KIAA1549: variants seen among roughly 807,000 people sequenced by gnomAD.
KIAA1549 encodes the protein KIAA1549.
A neutral mutation model predicts 156.4 loss-of-function variants in KIAA1549; 70 were observed. That is an observed-to-expected ratio of 0.45 (90% CI 0.37 to 0.55). The LOEUF (loss-of-function observed/expected upper bound fraction) is 0.55, where lower values mean the gene tolerates loss of function less well. Among genes scored for constraint, KIAA1549 ranks in the 20% least tolerant of loss-of-function variants. The pLI is 0.00. For missense variants in KIAA1549, 2,428 were observed against 2,540.9 expected (o/e 0.96, Z 0.96); for synonymous variants, 1,103 against 1,066.4 (o/e 1.03, Z -0.67).
intron 1 of KIAA1549, among the ~76,000 whole-genome samples, chr7:138,977,382 T>C: frequency 1.3e-5 from 2 of 152,306 alleles, no homozygotes; most frequent in South Asian, 4.1e-4. Context: ...TAAAACAATG[T>C]ATTACAAATT....
chr7:138,877,567 A>G (rs1407393213), intron 12 of KIAA1549, among the ~76,000 whole-genome samples: 2 of 152,238 alleles, frequency 1.3e-5, no homozygotes, highest in Admixed American at 6.5e-5. Context: ...AAAATAGGAT[A>G]TTTAATTTTC....
At chr7:138,975,973 G>A (rs1814365705) in intron 1 of KIAA1549, among the ~76,000 whole-genome samples, 1 of 152,176 alleles carries the variant, frequency 6.6e-6, no homozygotes, top group African/African-American at 2.4e-5. Flanking sequence ...GGGCAGGAGT[G>A]AGCATTGAAA....
intron 14 of KIAA1549, among the ~76,000 whole-genome samples, chr7:138,868,666 C>T (rs1810826195): frequency 6.6e-6 from 1 of 152,178 alleles, no homozygotes; most frequent in African/African-American, 2.4e-5. Context: ...AACTCCTGAC[C>T]TCGTGATCCG....
chr7:138,890,298 C>T (rs1343583800), intron 10 of KIAA1549, among the ~76,000 whole-genome samples: 1 of 152,188 alleles, frequency 6.6e-6, no homozygotes, highest in Non-Finnish European at 1.5e-5. Context: ...TTCGGGTTAG[C>T]CTGAGCCCCT....
chr7:138,861,840 C>T (rs1810594475), intron 15 of KIAA1549, among the ~76,000 whole-genome samples: 1 of 152,008 alleles, frequency 6.6e-6, no homozygotes, highest in Admixed American at 6.6e-5. Flanking sequence ...CATTGTACTC[C>T]AGCCTGGATG....
In KIAA1549 at chr7:138,918,966, C is replaced by T. The variant is rs77986377; in HGVS notation, c.660G>A (p.Ala220=). 346 of 1,613,978 alleles carry T rather than the reference C, an allele frequency of 2.1e-4. 3 individuals carry two copies. In the African/African-American group the frequency reaches 4.1e-3, roughly 19 times the overall value. The stretch of plus-strand genomic sequence containing the variant: ...AATGACTGGCGGACTCAGCATATGC[C>T]GCTGGTTGTCGCGTTGTGTTCTGCC... ...SGWQNTTRQP[A]AYAESASHFH... The change falls in exon 2 of 20, where the codon GCG becomes GCA. Residue 220 remains alanine (A), a synonymous_variant. Transcript: ENST00000422774. This position sits in a 1 kb window ranked among gnomAD's most constrained non-coding sequence, Gnocchi z 4.2.
intron 1 of KIAA1549, among the ~76,000 whole-genome samples, chr7:138,925,263 TAA>T (rs1310803033): frequency 6.6e-6 from 1 of 152,134 alleles, no homozygotes; most frequent in African/African-American, 2.4e-5. Flanking sequence ...ATTTTTTTTT[TAA>T]GTCATGTTTT....
At chr7:138,905,224 C>A in intron 6 of KIAA1549, 143 bp from the exon 7 acceptor site, 1 of 641,590 alleles carries the variant, frequency 1.6e-6, no homozygotes, top group Non-Finnish European at 2.8e-6. Context: ...AGGACGTGGA[C>A]AGTAGCCATT....
rs1208012320 is a variant in KIAA1549, at chr7:138,903,844, TGTGTGTGTGCGCGC to T, written c.3521-122_3521-109del. On this transcript the variant is annotated intron_variant, in intron 7 of 19. Coordinates refer to ENST00000422774, the MANE Select transcript of KIAA1549 (RefSeq NM_001164665.2). ...GTGTGTGTGTGTGTGTGTGTGTGTG[TGTGTGTGTGCGCGC>T]GCGCGCGCGCGCACATATGTATTTG... is the stretch of plus-strand genomic sequence containing the variant. 1.4e-4 allele frequency: 62 copies of T among 431,580 alleles called. 1 individual carries two copies. The highest frequency in any genetic ancestry group is 4.9e-4 in the Middle Eastern group (1 of 2,058). 26.7% of individuals were successfully genotyped at this position (431,580 alleles called of 1,614,324 possible).
chr7:138,870,250 A>G (rs1215908985), intron 13 of KIAA1549, among the ~76,000 whole-genome samples: 1 of 151,924 alleles, frequency 6.6e-6, no homozygotes, highest in Non-Finnish European at 1.5e-5. Context: ...AGAGAGCGAC[A>G]GGCACAGACC....
rs79515370 is a variant in KIAA1549 at position 138,866,428 on chromosome 7, G to A, written c.4929+1547C>T. Among the ~76,000 whole-genome samples the A allele has an allele frequency of 5.3e-3, 811 of 152,306 alleles. 4 individuals are homozygous for A. Among genetic ancestry groups the A allele is most frequent in the African/African-American group, 0.019 (773 of 41,564 alleles). ...AACTAAGAAATGGCTGGTTGCATAAGGTCTATCTAAAGCGATCACATCCAT... is the reference window on the plus strand; with the variant it reads ...AACTAAGAAATGGCTGGTTGCATAAAGTCTATCTAAAGCGATCACATCCAT... On this transcript the variant is annotated intron_variant, in intron 15 of 19. Transcript: ENST00000422774.
intron 16 of KIAA1549, among the ~76,000 whole-genome samples, chr7:138,853,339 C>A (rs1306523468): frequency 6.6e-6 from 1 of 152,156 alleles, no homozygotes; most frequent in Non-Finnish European, 1.5e-5. Flanking sequence ...TACTCACTGC[C>A]TCTGTTTTAT....
At chr7:138,940,031 ATACTT>A (rs1049669178) in intron 1 of KIAA1549, among the ~76,000 whole-genome samples, 2 of 152,072 alleles carry the variant, frequency 1.3e-5, no homozygotes, top group Non-Finnish European at 2.9e-5. Flanking sequence ...TTTTTTTATT[ATACTT>A]TAAGTTTTAG....
chr7:138,930,579 T>G (rs1377189086), intron 1 of KIAA1549, among the ~76,000 whole-genome samples: 2 of 152,250 alleles, frequency 1.3e-5, no homozygotes, highest in African/African-American at 4.8e-5. Context: ...CTTCTTTCCT[T>G]AAATCTCAAG....
intron 6 of KIAA1549, among the ~76,000 whole-genome samples, chr7:138,906,653 G>C (rs984971448): frequency 7.2e-5 from 11 of 152,130 alleles, no homozygotes; most frequent in Admixed American, 2.6e-4. Context: ...TGGAGACTTG[G>C]GGGGAAGAGT....
At chr7:138,840,415 T>C (rs1809879824) in intron 18 of KIAA1549, 137 bp from the exon 19 acceptor site, 1 of 719,300 alleles carries the variant, frequency 1.4e-6, no homozygotes, top group Non-Finnish European at 2.2e-6. Context: ...TGGTACCAGT[T>C]CTATCTCCAG....
Position 138,918,810 on chromosome 7 carries a change from G to A in KIAA1549, c.816C>T (p.Ser272=), listed in dbSNP as rs1812440589. The A allele has an allele frequency of 6.2e-7, 1 of 1,613,858 alleles. No homozygotes were observed. The highest frequency in any genetic ancestry group is 1.7e-5 in the Admixed American group (1 of 60,010). The change falls in exon 2 of 20, where the codon TCC becomes TCT. Residue 272 remains serine (S), a synonymous_variant. Coordinates refer to ENST00000422774, the MANE Select transcript of KIAA1549 (RefSeq NM_001164665.2). The surrounding 1 kb of genome is among the most constrained non-coding windows in gnomAD (Gnocchi z 4.2). ...GGGTGGTTTCCACACCCTCTGTTAG[G>A]GAAGCCACAATCTCTGGCAGAGTCC... ...SSRTLPEIVA[S]LTEGVETTLF...
chr7:138,867,698 G>A (rs866089019), intron 15 of KIAA1549, among the ~76,000 whole-genome samples: 5 of 152,220 alleles, frequency 3.3e-5, no homozygotes, highest in African/African-American at 1.2e-4. Flanking sequence ...CTGAGAGAAC[G>A]GGGCTTACGT....
Position 138,834,740 on chromosome 7 carries a change from A to C in KIAA1549, c.*3166T>G, listed in dbSNP as rs1388281912. On this transcript the variant is annotated 3_prime_UTR_variant, in exon 20 of 20. Coordinates refer to ENST00000422774, the MANE Select transcript of KIAA1549 (RefSeq NM_001164665.2). The stretch of plus-strand genomic sequence containing the variant: ...CATGTGTGAACCCATTCACCGCAGT[A>C]GTGCAGCGTTTCACATCACTCATCC... 1 of 232,730 alleles carries C rather than the reference A, an allele frequency of 4.3e-6. No individual in the cohort carries two copies. The highest frequency in any genetic ancestry group is 2.2e-5 in the African/African-American group (1 of 45,302). 14.4% of individuals were successfully genotyped at this position (232,730 alleles called of 1,614,324 possible).
Sources: allele counts gnomAD v4.1 joint callset (sites outside exome capture counted in the v4.1 genomes callset), GRCh38; gene constraint gnomAD v4.1.1; non-coding constraint Gnocchi (gnomAD v3.1); transcripts MANE v1.5; gene names NCBI Gene and HGNC (gene_info 2026-07-23, HGNC 2026-07-21).